TDP1: variants seen among roughly 807,000 people sequenced by gnomAD.
TDP1 encodes tyr-DNA phosphodiesterase 1.
A neutral mutation model predicts 81.5 loss-of-function variants in TDP1; 64 were observed. The ratio of observed to expected loss-of-function variants is 0.79; its 90% CI spans 0.64 to 0.97. TDP1 has a LOEUF of 0.97. Among genes scored for constraint, TDP1 ranks in the 50% least tolerant of loss-of-function variants. TDP1 has a pLI of 0.00. For synonymous variants in TDP1, 256 were observed against 264.3 expected (o/e 0.97, Z 0.30); for missense variants, 723 against 743.8 (o/e 0.97, Z 0.33).
In TDP1 at chr14:89,963,688, G is replaced by A. The variant is rs1892601897; in HGVS notation, c.559+15G>A. On this transcript the variant is annotated intron_variant, in intron 3 of 16. Transcript: ENST00000335725. ...CCACATCAAGGGTAAGAGGATGCTGGGTGTCAAGGAGCTGTTGAATTGCCC... is the reference window on the plus strand; with the variant it reads ...CCACATCAAGGGTAAGAGGATGCTGAGTGTCAAGGAGCTGTTGAATTGCCC... 6.2e-7 allele frequency: 1 copy of A among 1,613,680 alleles called. No homozygotes were observed. Among genetic ancestry groups the A allele is most frequent in the African/African-American group, 1.3e-5 (1 of 74,898 alleles).
At chr14:90,011,627 T>C (rs1327476040) in intron 14 of TDP1, among the ~76,000 whole-genome samples, 1 of 152,210 alleles carries the variant, frequency 6.6e-6, no homozygotes, top group Non-Finnish European at 1.5e-5. Context: ...AGGAGACTGG[T>C]GGCATTTTGC....
At chr14:90,025,069 A>G (rs1886495431) in intron 15 of TDP1, among the ~76,000 whole-genome samples, 1 of 152,182 alleles carries the variant, frequency 6.6e-6, no homozygotes, top group Non-Finnish European at 1.5e-5. Context: ...GTCCTTCACC[A>G]GTAGGCCGTG....
rs74722472 is a variant in TDP1 at position 89,998,201 on chromosome 14, C to T, written c.1541+4718C>T. Among the ~76,000 whole-genome samples the T allele has an allele frequency of 5.9e-3, 899 of 151,538 alleles. 5 individuals carry two copies. Among genetic ancestry groups the T allele is most frequent in the African/African-American group, 0.021 (862 of 41,204 alleles). On this transcript the variant is annotated intron_variant, in intron 14 of 16. Transcript: ENST00000335725. ...TTGGAAGCAAAGATCACAGGTAGCC[C>T]CATGTCATCTTAGTTCAACTTTTGT...
chr14:90,034,091 A>G (rs1436825948), intron 16 of TDP1, among the ~76,000 whole-genome samples: 1 of 152,166 alleles, frequency 6.6e-6, no homozygotes, highest in African/African-American at 2.4e-5. Context: ...AGTTCTTATG[A>G]CAATTTCCAA....
intron 15 of TDP1, among the ~76,000 whole-genome samples, chr14:90,020,919 C>T (rs1216299540): frequency 6.6e-6 from 1 of 151,162 alleles, no homozygotes; most frequent in Non-Finnish European, 1.5e-5. Context: ...CATCAGCCTC[C>T]CTAGTAGATG....
At position 89,966,129 on chromosome 14, in the gene TDP1, T is replaced by G. The variant is rs368658204; in HGVS notation, c.560-18T>G. On this transcript the variant is annotated intron_variant, in intron 3 of 16. Coordinates refer to ENST00000335725, the MANE Select transcript of TDP1 (RefSeq NM_018319.4). The stretch of plus-strand genomic sequence containing the variant: ...GATTTTTGTGAGTGTGAATTTGATA[T>G]ATGTTTTGTCTTCTCAGATATTTTA... The G allele has an allele frequency of 1.3e-6, 2 of 1,558,298 alleles. No homozygotes were observed. Among genetic ancestry groups the G allele is most frequent in the Non-Finnish European group, 1.8e-6 (2 of 1,129,496 alleles).
rs28365054 is a variant in TDP1 at position 89,963,514 on chromosome 14, G to A, written c.400G>A (p.Ala134Thr). The A allele has an allele frequency of 0.035, 55,579 of 1,603,114 alleles. 4,014 individuals carry two copies. Among genetic ancestry groups the A allele is most frequent in the African/African-American group, 0.31 (22,692 of 74,324 alleles). ...AQRTENHGAP[A>T]CHRLKEEEDE... ...AAGAACTGAAAATCATGGCGCTCCC[G>A]CCTGCCACAGGCTCAAAGAGGAGGA... The change falls in exon 3 of 17, where the codon GCC becomes ACC. Residue 134 changes from alanine to threonine, a missense_variant. Coordinates refer to ENST00000335725, the MANE Select transcript of TDP1 (RefSeq NM_018319.4).
At chr14:90,013,457 G>A (rs1269396958) in intron 14 of TDP1, among the ~76,000 whole-genome samples, 4 of 152,080 alleles carry the variant, frequency 2.6e-5, no homozygotes, top group Admixed American at 2.0e-4. Flanking sequence ...GCAGTTCCCT[G>A]CACACGCTCT....
intron 15 of TDP1, among the ~76,000 whole-genome samples, chr14:90,030,002 G>A (rs1316136073): frequency 6.6e-6 from 1 of 152,164 alleles, no homozygotes; most frequent in Non-Finnish European, 1.5e-5. Context: ...TATGAATTAG[G>A]TGCTCATATC....
chr14:90,031,373 A>G (rs542821262), intron 15 of TDP1, among the ~76,000 whole-genome samples: 2 of 150,552 alleles, frequency 1.3e-5, no homozygotes, highest in South Asian at 4.3e-4. Context: ...ACAGAAATTG[A>G]AACCTAGGCA....
intron 14 of TDP1, among the ~76,000 whole-genome samples, chr14:89,998,420 A>ATATATATG (rs1566891293): frequency 1.3e-4 from 10 of 79,254 alleles, no homozygotes; most frequent in African/African-American, 3.2e-4. Context: ...ATATATATAT[A>ATATATATG]TATGTATGTA....
chr14:90,023,112 G>T (rs1233822744), intron 15 of TDP1: 1 of 755,274 alleles, frequency 1.3e-6, no homozygotes, highest in Non-Finnish European at 2.4e-6. Context: ...ACAGACACTG[G>T]TGATTACAAT....
At chr14:89,989,449 G>A (rs1895943398) in intron 11 of TDP1, 1 of 979,416 alleles carries the variant, frequency 1.0e-6, no homozygotes, top group African/African-American at 1.8e-5. Context: ...AGAGAACTGT[G>A]AATTAATAAT....
chr14:89,973,703 C>A (rs780730450), intron 6 of TDP1, among the ~76,000 whole-genome samples: 10 of 152,060 alleles, frequency 6.6e-5, no homozygotes, highest in Non-Finnish European at 1.3e-4. Flanking sequence ...TGGGCTCAGT[C>A]CCGGCTCTAC....
At chr14:90,040,156 G>C (rs1888223922) in intron 16 of TDP1, among the ~76,000 whole-genome samples, 1 of 152,104 alleles carries the variant, frequency 6.6e-6, no homozygotes, top group African/African-American at 2.4e-5. Context: ...TTCTCACCCA[G>C]CCTTGCTTAC....
chr14:89,964,925 A>G (rs768844382), intron 3 of TDP1: 4 of 420,552 alleles, frequency 9.5e-6, no homozygotes, highest in Non-Finnish European at 1.9e-5. Flanking sequence ...AAAGTGCCCA[A>G]GGTCGTAGAG....
chr14:90,019,096 A>T (rs1885658987), intron 14 of TDP1: 5 of 984,112 alleles, frequency 5.1e-6, no homozygotes, highest in Admixed American at 6.1e-5. Context: ...AATGCAGATG[A>T]GGGTGAAACT....
chr14:90,031,249 C>T, intron 15 of TDP1, among the ~76,000 whole-genome samples: 1 of 123,248 alleles, frequency 8.1e-6, no homozygotes, highest in Admixed American at 8.5e-5. Flanking sequence ...CTAAAGCTAT[C>T]CCTCCCCCCT....
intron 15 of TDP1, among the ~76,000 whole-genome samples, chr14:90,027,480 C>A (rs1596690600): frequency 6.6e-6 from 1 of 152,212 alleles, no homozygotes; most frequent in East Asian, 1.9e-4. Flanking sequence ...CAGCCACCCA[C>A]AAGTATTTGT....
Sources: allele counts gnomAD v4.1 joint callset (sites outside exome capture counted in the v4.1 genomes callset), GRCh38; gene constraint gnomAD v4.1.1; transcripts MANE v1.5; gene names NCBI Gene and HGNC (gene_info 2026-07-23, HGNC 2026-07-21).